The following SLC36A1 variants were observed in gnomAD, a reference collection of about 807,000 sequenced individuals.
SLC36A1 encodes solute carrier family 36 member 1, also known as proton-coupled amino acid transporter 1.
SLC36A1 carries 30 observed loss-of-function variants against 47.5 expected under a neutral mutation model. That is an observed-to-expected ratio of 0.63 (90% CI 0.47 to 0.86). SLC36A1 has a LOEUF of 0.86. Ranked by LOEUF, SLC36A1 falls within the 40% of genes least tolerant of loss-of-function variation. The pLI, the probability that SLC36A1 is intolerant of heterozygous loss-of-function variation, is 0.00. For missense variants in SLC36A1, 517 were observed against 606.0 expected, an observed-to-expected ratio of 0.85 and a Z score of 1.54; for synonymous variants, 255 against 249.7, an observed-to-expected ratio of 1.02 and a Z score of -0.20.
At chr5:151,355,054 A>C in the SLC36A1 span, among the ~76,000 whole-genome samples, 2 of 152,178 alleles carry the variant, frequency 1.3e-5, no homozygotes, top group Non-Finnish European at 2.9e-5. Context: ...AATGACAACA[A>C]TGAACTGTAA....
At chr5:151,385,262 C>T in the SLC36A1 span, among the ~76,000 whole-genome samples, 60 of 152,184 alleles carry the variant, frequency 3.9e-4, 1 homozygote, top group Admixed American at 8.5e-4. Flanking sequence ...AGCATGGACC[C>T]TCTCTAGCTG....
At chr5:151,435,132 A>G (rs1759691818), upstream of SLC36A1, among the ~76,000 whole-genome samples, 1 of 152,212 alleles carries the variant, frequency 6.6e-6, no homozygotes, top group Non-Finnish European at 1.5e-5. Flanking sequence ...TTTATAGTGA[A>G]ACTTCAGAAC....
the SLC36A1 span, among the ~76,000 whole-genome samples, chr5:151,361,838 G>A: frequency 2.0e-5 from 3 of 152,280 alleles, no homozygotes; most frequent in Middle Eastern, 6.8e-3. Context: ...AGCATTGCTG[G>A]AAGTAGTATT....
chr5:151,447,343 A>G (rs1441644710), upstream of SLC36A1, among the ~76,000 whole-genome samples: 1 of 152,238 alleles, frequency 6.6e-6, no homozygotes, highest in Non-Finnish European at 1.5e-5. Flanking sequence ...CAGTGTAAAA[A>G]TTAGCAATAT....
chr5:151,524,333 G>A, the SLC36A1 span, among the ~76,000 whole-genome samples: 1 of 152,164 alleles, frequency 6.6e-6, no homozygotes, highest in East Asian at 1.9e-4. Context: ...TGGACTCTAT[G>A]TTTGTGTCCC....
the SLC36A1 span, among the ~76,000 whole-genome samples, chr5:151,367,787 TG>T: frequency 6.6e-6 from 1 of 152,222 alleles, no homozygotes; most frequent in African/African-American, 2.4e-5. Flanking sequence ...GTTCCTCTGC[TG>T]CAGCTTCAGC....
At chr5:151,505,325 CT>C in the SLC36A1 span, 3 of 575,696 alleles carry the variant, frequency 5.2e-6, no homozygotes, top group Middle Eastern at 4.6e-4. Flanking sequence ...AGGGTCACTG[CT>C]CTAGAAATGC....
the SLC36A1 span, chr5:151,544,825 G>T: frequency 6.2e-7 from 1 of 1,614,184 alleles, no homozygotes; most frequent in Non-Finnish European, 8.5e-7. Flanking sequence ...AGCCCCATTT[G>T]TCCCCAAGTC....
the SLC36A1 span, among the ~76,000 whole-genome samples, chr5:151,548,559 C>T: frequency 1.3e-5 from 2 of 152,134 alleles, no homozygotes; most frequent in African/African-American, 4.8e-5. Flanking sequence ...CAGCTCACTG[C>T]AACCTCTGCC....
rs778006483 is a variant in SLC36A1, at chr5:151,458,905, A to G, written c.113A>G (p.Tyr38Cys). The change falls in exon 2 of 11, where the codon TAC becomes TGC. Residue 38 changes from tyrosine to cysteine, a missense_variant. Physicochemically the swap from Tyr to Cys is radical, Grantham distance 194. Transcript: ENST00000243389. Reference sequence around the variant, plus strand: ...AACAACCTCTCCTCCCCGGGCTCCTACCAGCGCTTTGGTCAAAGCAATAGC... The same window carrying G: ...AACAACCTCTCCTCCCCGGGCTCCTGCCAGCGCTTTGGTCAAAGCAATAGC... Reference protein sequence around the residue: ...GLNNLSSPGSYQRFGQSNSTT... With the variant: ...GLNNLSSPGSCQRFGQSNSTT... 2.4e-5 allele frequency: 38 copies of G among 1,613,684 alleles called. No homozygotes were observed. In the Middle Eastern group the frequency reaches 6.6e-4, roughly 28 times the overall value.
the SLC36A1 span, among the ~76,000 whole-genome samples, chr5:151,523,689 T>C: frequency 6.6e-6 from 1 of 152,188 alleles, no homozygotes; most frequent in East Asian, 1.9e-4. Flanking sequence ...CATCTCTCCC[T>C]AGGCAATCAC....
the SLC36A1 span, among the ~76,000 whole-genome samples, chr5:151,431,635 T>C: frequency 1.3e-5 from 2 of 152,110 alleles, no homozygotes; most frequent in African/African-American, 4.8e-5. Context: ...ATAAGTCTCA[T>C]GAGATTGGAT....
the SLC36A1 span, chr5:151,554,376 A>T: frequency 6.2e-7 from 1 of 1,613,746 alleles, no homozygotes; most frequent in Non-Finnish European, 8.5e-7. Flanking sequence ...AGGATGTTGT[A>T]CTCTCCAGCT....
chr5:151,463,397 T>G (rs1419685462), intron 2 of SLC36A1, among the ~76,000 whole-genome samples, 156 bp from the exon 3 acceptor site: 1 of 152,252 alleles, frequency 6.6e-6, no homozygotes, highest in Non-Finnish European at 1.5e-5. Context: ...AGCCCTTTAC[T>G]AGGTATGTGA....
the SLC36A1 span, among the ~76,000 whole-genome samples, chr5:151,421,664 C>T: frequency 6.6e-6 from 1 of 151,000 alleles, no homozygotes; most frequent in South Asian, 2.1e-4. Context: ...GACCTTGGCT[C>T]ACTGCAACCT....
the SLC36A1 span, among the ~76,000 whole-genome samples, chr5:151,519,382 C>T: frequency 3.9e-5 from 6 of 152,136 alleles, no homozygotes; most frequent in African/African-American, 1.4e-4. Context: ...CCAAAATTCC[C>T]TGACACTGGC....
chr5:151,345,158 C>T, the SLC36A1 span, among the ~76,000 whole-genome samples: 4 of 152,314 alleles, frequency 2.6e-5, no homozygotes, highest in Non-Finnish European at 4.4e-5. Context: ...TATTTCTACA[C>T]GTTTTTGTAC....
chr5:151,398,223 C>T, the SLC36A1 span, among the ~76,000 whole-genome samples: 5 of 152,108 alleles, frequency 3.3e-5, no homozygotes, highest in Non-Finnish European at 7.4e-5. Context: ...AGTAGCTTTG[C>T]GTCCCATGGG....
chr5:151,528,093 A>G, the SLC36A1 span: 2 of 1,614,186 alleles, frequency 1.2e-6, no homozygotes, highest in Non-Finnish European at 1.7e-6. Flanking sequence ...GCTATAGGTA[A>G]TGTCACTATT....
Sources: gnomAD v4.1 joint callset for allele counts (sites outside exome capture counted in the v4.1 genomes callset) on GRCh38, gnomAD v4.1.1 for gene constraint, MANE v1.5 for transcripts, NCBI Gene and HGNC (gene_info 2026-07-23, HGNC 2026-07-21) for gene names.